SH3GL1: variants seen among roughly 807,000 people sequenced by gnomAD.
SH3GL1 encodes the protein SH3 domain containing GRB2 like 1, endophilin A2, also known as endophilin-A2.
SH3GL1 carries 21 observed loss-of-function variants against 48.8 expected under a neutral mutation model. That is an observed-to-expected ratio of 0.43 (90% confidence interval 0.30 to 0.62). The LOEUF (loss-of-function observed/expected upper bound fraction) is 0.62, where lower values mean the gene tolerates loss of function less well. Ranked by LOEUF, SH3GL1 falls within the 20% of genes least tolerant of loss-of-function variation. SH3GL1 has a pLI of 0.11. For synonymous variants in SH3GL1, 282 were observed against 217.5 expected (o/e 1.30, Z -2.61); for missense variants, 454 against 503.0 (o/e 0.90, Z 0.93).
chr19:4,400,143 G>T lies in SH3GL1; in HGVS notation c.45+181C>A, dbSNP rs1008275752. Among the ~76,000 whole-genome samples, 2 of 152,160 alleles carry T rather than the reference G, an allele frequency of 1.3e-5. No individual in the cohort carries two copies. Among genetic ancestry groups the T allele is most frequent in the Non-Finnish European group, 2.9e-5 (2 of 68,012 alleles). On this transcript the variant is annotated intron_variant, in intron 1 of 9. Transcript: ENST00000269886. This position sits in a 1 kb window ranked among gnomAD's most constrained non-coding sequence, Gnocchi z 4.1. ...CCCCGCTTCTGGAGCCCGCATGGCG[G>T]GCAGGGCCTGGGCCACCTCGTCGCC...
At chr19:4,386,275 G>A (rs374625881) in intron 1 of SH3GL1, among the ~76,000 whole-genome samples, 8 of 152,138 alleles carry the variant, frequency 5.3e-5, no homozygotes, top group African/African-American at 1.7e-4. Flanking sequence ...GGATTGCGGC[G>A]AGGGCGGGCA....
At chr19:4,382,323 T>C (rs1249539422) in intron 1 of SH3GL1, among the ~76,000 whole-genome samples, 1 of 141,602 alleles carries the variant, frequency 7.1e-6, no homozygotes, top group Non-Finnish European at 1.5e-5. Flanking sequence ...AGTGGCGCGA[T>C]CTCGGCTCAC....
intron 1 of SH3GL1, among the ~76,000 whole-genome samples, chr19:4,392,400 T>C (rs1973352712): frequency 6.6e-6 from 1 of 152,128 alleles, no homozygotes; most frequent in Non-Finnish European, 1.5e-5. Context: ...GGCGCACGCC[T>C]GTATTCCCAG....
At chr19:4,370,885 A>G (rs1972886260) in intron 1 of SH3GL1, among the ~76,000 whole-genome samples, 1 of 152,232 alleles carries the variant, frequency 6.6e-6, no homozygotes, top group Admixed American at 6.5e-5. Context: ...CCTGCCGGAC[A>G]CTTCCCCAGG....
Position 4,361,396 on chromosome 19 carries a change from G to A in SH3GL1, c.*204C>T, listed in dbSNP as rs1972606469. On this transcript the variant is annotated 3_prime_UTR_variant, in exon 10 of 10. Transcript: ENST00000269886. ...GTCACCGTTGGGAGTCAGCGCTAGT[G>A]TAAACAGGCATCCCCACCCACCCAG... 1.7e-6 allele frequency: 1 copy of A among 586,872 alleles called. No individual in the cohort carries two copies. The highest frequency in any genetic ancestry group is 3.0e-6 in the Non-Finnish European group (1 of 329,556). 36.4% of individuals were successfully genotyped at this position (586,872 alleles called of 1,614,324 possible).
chr19:4,373,633 C>T (rs904478226), intron 1 of SH3GL1, among the ~76,000 whole-genome samples: 1 of 152,228 alleles, frequency 6.6e-6, no homozygotes, highest in Non-Finnish European at 1.5e-5. Flanking sequence ...AGCAAAAGGA[C>T]AGTGGCTCTG....
At chr19:4,384,411 G>T (rs1973197164) in intron 1 of SH3GL1, among the ~76,000 whole-genome samples, 1 of 152,208 alleles carries the variant, frequency 6.6e-6, no homozygotes, top group African/African-American at 2.4e-5. Flanking sequence ...CTAGCCACCG[G>T]TCCAGGACTT....
chr19:4,362,573 T>G (rs1372955785), intron 8 of SH3GL1, 39 bp downstream of exon 8: 3 of 1,612,000 alleles, frequency 1.9e-6, no homozygotes, highest in Non-Finnish European at 8.5e-7. Flanking sequence ...TCCCACCCGC[T>G]GGCATTTGCC....
At chr19:4,365,824 GGTGAC>G (rs1447621157) in intron 3 of SH3GL1, among the ~76,000 whole-genome samples, 199 bp from the exon 4 acceptor site, 1 of 152,232 alleles carries the variant, frequency 6.6e-6, no homozygotes, top group Non-Finnish European at 1.5e-5. Context: ...CGGGTGGAGA[GGTGAC>G]CAAGCTCCTC....
intron 1 of SH3GL1, among the ~76,000 whole-genome samples, chr19:4,392,057 C>T (rs1230908678): frequency 6.6e-6 from 1 of 152,228 alleles, no homozygotes; most frequent in Non-Finnish European, 1.5e-5. Context: ...AGGGGGCTTC[C>T]GGAGGTCAGC....
At chr19:4,368,391 C>T (rs1194894397) in intron 1 of SH3GL1, among the ~76,000 whole-genome samples, 1 of 152,210 alleles carries the variant, frequency 6.6e-6, no homozygotes, top group Non-Finnish European at 1.5e-5. Flanking sequence ...CTGCCCACGC[C>T]AGGCACCTGG....
At chr19:4,384,288 T>A (rs1973193603) in intron 1 of SH3GL1, among the ~76,000 whole-genome samples, 1 of 152,192 alleles carries the variant, frequency 6.6e-6, no homozygotes, top group Non-Finnish European at 1.5e-5. Flanking sequence ...AACCCTGAGC[T>A]GGGAGCCTCC....
chr19:4,395,604 A>G (rs1183303009), intron 1 of SH3GL1: 1 of 152,254 alleles, frequency 6.6e-6, no homozygotes, highest in Non-Finnish European at 1.5e-5. Flanking sequence ...TAAACAGTGT[A>G]TGTATACATA....
rs1380241265 is a variant in SH3GL1 at position 4,400,306 on chromosome 19, G to T, written c.45+18C>A. ...GCCCGGGGCCCGGTACTCGGCTCCCGCCTGGGCCTGCGCTCACCTGGCTCG... is the reference window on the plus strand; with the variant it reads ...GCCCGGGGCCCGGTACTCGGCTCCCTCCTGGGCCTGCGCTCACCTGGCTCG... On this transcript the variant is annotated intron_variant, in intron 1 of 9. Coordinates refer to ENST00000269886, the MANE Select transcript of SH3GL1 (RefSeq NM_003025.4). This position sits in a 1 kb window ranked among gnomAD's most constrained non-coding sequence, Gnocchi z 4.1. 6.3e-7 allele frequency: 1 copy of T among 1,596,198 alleles called. No individual in the cohort carries two copies. The highest frequency in any genetic ancestry group is 8.5e-7 in the Non-Finnish European group (1 of 1,174,618).
At chr19:4,397,148 C>G (rs1568423669) in intron 1 of SH3GL1, among the ~76,000 whole-genome samples, 1 of 152,152 alleles carries the variant, frequency 6.6e-6, no homozygotes, top group Non-Finnish European at 1.5e-5. Context: ...GTCCAGATAA[C>G]AGCTGAGATG....
intron 1 of SH3GL1, among the ~76,000 whole-genome samples, chr19:4,385,800 ACAGCGCAGCATTC>A (rs1223315871): frequency 6.6e-6 from 1 of 152,234 alleles, no homozygotes; most frequent in Non-Finnish European, 1.5e-5. Flanking sequence ...AAGCTAGGGC[ACAGCGCAGCATTC>A]CAGCGGCCTC....
At chr19:4,392,861 G>C (rs1253880036) in intron 1 of SH3GL1, among the ~76,000 whole-genome samples, 1 of 152,212 alleles carries the variant, frequency 6.6e-6, no homozygotes, top group African/African-American at 2.4e-5. Context: ...AGAATCGCTT[G>C]AACTGGGCAG....
chr19:4,388,634 T>A (rs1973278747), intron 1 of SH3GL1, among the ~76,000 whole-genome samples: 1 of 152,164 alleles, frequency 6.6e-6, no homozygotes, highest in Non-Finnish European at 1.5e-5. Flanking sequence ...GGGGAGCCAG[T>A]TTCTGGAGGC....
At chr19:4,363,519 C>T in intron 6 of SH3GL1, 46 bp from the exon 7 acceptor site, 1 of 1,563,646 alleles carries the variant, frequency 6.4e-7, no homozygotes, top group Non-Finnish European at 8.8e-7. Flanking sequence ...TGCCACTGTC[C>T]TGTGCCTTCC....
Sources: gnomAD v4.1 joint callset for allele counts (sites outside exome capture counted in the v4.1 genomes callset) on GRCh38, gnomAD v4.1.1 for gene constraint, Gnocchi (gnomAD v3.1) non-coding constraint, MANE v1.5 for transcripts, NCBI Gene and HGNC (gene_info 2026-07-23, HGNC 2026-07-21) for gene names.